The following LRP1B variants were observed in gnomAD, a reference collection of about 807,000 sequenced individuals.
LRP1B encodes low-density lipoprotein receptor-related protein 1B.
LRP1B carries 217 observed loss-of-function variants against 556.6 expected under a neutral mutation model. The observed-to-expected ratio is 0.39, with a 90% CI of 0.35 to 0.44. LRP1B has a LOEUF of 0.44. LRP1B is among the 20% of genes least tolerant of loss of function. The pLI is 1.00. For missense variants in LRP1B, 5,053 were observed against 5,620.8 expected (o/e 0.90, Z 3.23); for synonymous variants, 2,047 against 1,865.8 (o/e 1.10, Z -2.50).
chr2:141,450,810 C>A (rs982322137), intron 3 of LRP1B, among the ~76,000 whole-genome samples: 2 of 151,968 alleles, frequency 1.3e-5, no homozygotes, highest in African/African-American at 4.8e-5. Flanking sequence ...AGATATTTTT[C>A]TTGTCATATA....
chr2:141,386,691 T>A (rs868255754), intron 3 of LRP1B, among the ~76,000 whole-genome samples: 2 of 151,992 alleles, frequency 1.3e-5, no homozygotes, highest in African/African-American at 4.8e-5. Context: ...TATAAAAATA[T>A]ATGTGCTAAA....
chr2:141,921,567 C>T (rs1700185233), intron 1 of LRP1B, among the ~76,000 whole-genome samples: 1 of 152,042 alleles, frequency 6.6e-6, no homozygotes, highest in Non-Finnish European at 1.5e-5. Flanking sequence ...TGATTCCTCA[C>T]TTCCATTTCA....
At chr2:141,036,744 C>T (rs894839136) in intron 11 of LRP1B, among the ~76,000 whole-genome samples, 2 of 151,956 alleles carry the variant, frequency 1.3e-5, no homozygotes, top group Non-Finnish European at 1.5e-5. Context: ...AATTCTGTTG[C>T]CACTGGTCCC....
chr2:141,780,664 C>T (rs1383334346), intron 2 of LRP1B, among the ~76,000 whole-genome samples: 1 of 152,160 alleles, frequency 6.6e-6, no homozygotes, highest in Admixed American at 6.5e-5. Flanking sequence ...CAGCCACCTA[C>T]TACATTCACC....
At chr2:140,653,822 C>T (rs1684773330) in intron 41 of LRP1B, among the ~76,000 whole-genome samples, 1 of 151,350 alleles carries the variant, frequency 6.6e-6, no homozygotes, top group African/African-American at 2.4e-5. Flanking sequence ...GTCAGAAGTT[C>T]GAGGCCAGCC....
chr2:140,890,101 TAAA>T lies in LRP1B; in HGVS notation c.3767-3769_3767-3767del, dbSNP rs5834787. Among the ~76,000 whole-genome samples the T allele has an allele frequency of 9.3e-3, 1,398 of 149,882 alleles. 12 individuals are homozygous for T. The highest frequency in any genetic ancestry group is 0.021 in the Middle Eastern group (6 of 290). On this transcript the variant is annotated intron_variant, in intron 23 of 90. Transcript: ENST00000389484. ...AAATCTCAAAATCATATTTATTAGT[TAAA>T]AAAAAAAAACCCTAGTTCCAGATGG...
At chr2:141,330,326 C>T (rs956011601) in intron 3 of LRP1B, among the ~76,000 whole-genome samples, 8 of 148,218 alleles carry the variant, frequency 5.4e-5, no homozygotes, top group Non-Finnish European at 1.2e-4. Flanking sequence ...CAAAACAAAA[C>T]AAATCTGACA....
intron 3 of LRP1B, among the ~76,000 whole-genome samples, chr2:141,309,630 T>C (rs1686734447): frequency 6.6e-6 from 1 of 152,022 alleles, no homozygotes; most frequent in South Asian, 2.1e-4. Context: ...ACCAAACACC[T>C]CATATTCTCA....
intron 84 of LRP1B, among the ~76,000 whole-genome samples, chr2:140,282,793 G>T (rs1225481283): frequency 6.6e-6 from 1 of 151,746 alleles, no homozygotes; most frequent in Non-Finnish European, 1.5e-5. Flanking sequence ...TTAGATGTTT[G>T]TCTCTCTATC....
chr2:141,140,621 A>C (rs1198033794), intron 7 of LRP1B, among the ~76,000 whole-genome samples: 1 of 152,156 alleles, frequency 6.6e-6, no homozygotes, highest in African/African-American at 2.4e-5. Context: ...AGGACACAGC[A>C]AGATGGCAGC....
intron 35 of LRP1B, among the ~76,000 whole-genome samples, chr2:140,741,903 C>T (rs1283233954): frequency 6.6e-6 from 1 of 152,084 alleles, no homozygotes; most frequent in Non-Finnish European, 1.5e-5. Context: ...AGATAATAGC[C>T]TCCAGCTCCA....
intron 1 of LRP1B, among the ~76,000 whole-genome samples, chr2:142,005,370 A>T (rs1194028666): frequency 6.6e-6 from 1 of 152,086 alleles, no homozygotes; most frequent in African/African-American, 2.4e-5. Flanking sequence ...GACCGAAAAA[A>T]ATAAGATGAT....
At chr2:140,739,023 T>C (rs1445947821) in intron 35 of LRP1B, among the ~76,000 whole-genome samples, 1 of 152,182 alleles carries the variant, frequency 6.6e-6, no homozygotes, top group East Asian at 1.9e-4. Context: ...CTGTGTCCAG[T>C]GGAGCATGTG....
At chr2:141,860,914 A>G (rs1444122507) in intron 1 of LRP1B, among the ~76,000 whole-genome samples, 1 of 152,158 alleles carries the variant, frequency 6.6e-6, no homozygotes, top group Admixed American at 6.5e-5. Flanking sequence ...CGGTCTCTAT[A>G]GTGTGTATTT....
At chr2:140,442,351 C>T (rs1686466363) in intron 66 of LRP1B, among the ~76,000 whole-genome samples, 153 bp downstream of exon 66, 1 of 152,178 alleles carries the variant, frequency 6.6e-6, no homozygotes, top group African/African-American at 2.4e-5. Flanking sequence ...AAGTAGCTAA[C>T]CTAAGTTTTT....
chr2:140,645,684 C>T (rs183285748), intron 41 of LRP1B, among the ~76,000 whole-genome samples: 2,632 of 151,710 alleles, frequency 0.017, 44 homozygotes, highest in Admixed American at 0.047. Context: ...GGACTACAGG[C>T]ACTGCCACGA....
chr2:142,115,808 ATCATATATATG>A, intron 1 of LRP1B, among the ~76,000 whole-genome samples: 1 of 12,024 alleles, frequency 8.3e-5, no homozygotes, highest in African/African-American at 1.9e-4. Flanking sequence ...TGTAATATAT[ATCATATATATG>A]TAATATATAT....
intron 47 of LRP1B, among the ~76,000 whole-genome samples, chr2:140,531,988 C>A (rs1690715086): frequency 6.6e-6 from 1 of 152,098 alleles, no homozygotes; most frequent in Admixed American, 6.6e-5. Flanking sequence ...CTCATGCAAT[C>A]ATTACTCCAC....
chr2:141,711,797 T>C (rs1466628644), intron 2 of LRP1B, among the ~76,000 whole-genome samples: 1 of 152,138 alleles, frequency 6.6e-6, no homozygotes, highest in African/African-American at 2.4e-5. Context: ...AGTTCAACTT[T>C]CCTCCAGTTA....
Sources: allele counts gnomAD v4.1 joint callset (sites outside exome capture counted in the v4.1 genomes callset), GRCh38; gene constraint gnomAD v4.1.1; transcripts MANE v1.5; gene names NCBI Gene and HGNC (gene_info 2026-07-23, HGNC 2026-07-21).